The following PCDHGA9 variants were observed in gnomAD, a reference collection of about 807,000 sequenced individuals.
PCDHGA9 encodes protocadherin gamma subfamily A, 9.
In PCDHGA9, 37 loss-of-function variants were observed where a neutral mutation model predicts 62.5. The observed-to-expected ratio is 0.59, with a 90% CI of 0.46 to 0.78. The LOEUF (loss-of-function observed/expected upper bound fraction) is 0.78. PCDHGA9 is among the 30% of genes least tolerant of loss of function. PCDHGA9 has a pLI of 0.00. For synonymous variants in PCDHGA9, 459 were observed against 484.6 expected, an observed-to-expected ratio of 0.95 and a Z score of 0.69; for missense variants, 1,138 against 1,166.2, an observed-to-expected ratio of 0.98 and a Z score of 0.35.
At chr5:141,494,972 C>A in intron 2 of PCDHGA9, 107 bp downstream of exon 2, 1 of 1,581,852 alleles carries the variant, frequency 6.3e-7, no homozygotes, top group South Asian at 1.1e-5. Flanking sequence ...TGGCTTCTCC[C>A]TCAGTTTGAG....
At chr5:141,450,796 G>GTATT (rs1490825772) in intron 1 of PCDHGA9, among the ~76,000 whole-genome samples, 8 of 145,976 alleles carry the variant, frequency 5.5e-5, no homozygotes, top group African/African-American at 1.8e-4. Flanking sequence ...CCTCATGATT[G>GTATT]TATTTATTTA....
At chr5:141,504,476 A>G (rs998883721) in intron 2 of PCDHGA9, among the ~76,000 whole-genome samples, 4 of 152,016 alleles carry the variant, frequency 2.6e-5, no homozygotes, top group African/African-American at 9.7e-5. Context: ...GGATGGGAGT[A>G]CAGTGGAGGC....
At position 141,484,932 on chromosome 5, in the gene PCDHGA9, C is replaced by T. The variant is rs1594431677; in HGVS notation, c.2425-9875C>T. On this transcript the variant is annotated intron_variant, in intron 1 of 3. Coordinates refer to ENST00000573521, the MANE Select transcript of PCDHGA9 (RefSeq NM_018921.3). ...CGCATTAACCCTGCTGCTGTTGGGA[C>T]GTTCTCTGCTCAGCCTATTGGCTGA... 1.2e-5 allele frequency: 6 copies of T among 501,356 alleles called. No individual in the cohort carries two copies. The East Asian group carries it at 1.4e-4, about 12-fold the overall frequency. 31.1% of individuals were successfully genotyped at this position (501,356 alleles called of 1,614,324 possible).
At chr5:141,488,134 A>G (rs546928916) in intron 1 of PCDHGA9, among the ~76,000 whole-genome samples, 1 of 152,332 alleles carries the variant, frequency 6.6e-6, no homozygotes, top group African/African-American at 2.4e-5. Flanking sequence ...GAAAGAGGAG[A>G]GAACTAAAGG....
In PCDHGA9 at chr5:141,422,647, T is replaced by G. The variant is rs773990745; in HGVS notation, c.2424+17271T>G. 2.5e-6 allele frequency: 4 copies of G among 1,611,858 alleles called. No individual in the cohort carries two copies. In the South Asian group the frequency reaches 4.4e-5, roughly 18 times the overall value. On this transcript the variant is annotated intron_variant, in intron 1 of 3. Transcript: ENST00000573521. ...CAACCCCAGGGGTGCCTCCATCTTC[T>G]CAGTGACCGCCCTCGACCCGGACAG...
At position 141,491,251 on chromosome 5, in the gene PCDHGA9, C is replaced by A; in HGVS notation, c.2425-3556C>A. On this transcript the variant is annotated intron_variant, in intron 1 of 3. Coordinates refer to ENST00000573521, the MANE Select transcript of PCDHGA9 (RefSeq NM_018921.3). This position sits in a 1 kb window ranked among gnomAD's most constrained non-coding sequence, Gnocchi z 6.9. ...GCTGCTGGTTCTGGAGGATGAGGAC[C>A]CTGAGGAAATGCCCAAATCCAGTGA... 6.2e-7 allele frequency: 1 copy of A among 1,614,144 alleles called. No homozygotes were observed. Among genetic ancestry groups the A allele is most frequent in the Non-Finnish European group, 8.5e-7 (1 of 1,180,016 alleles).
chr5:141,414,684 AC>A (rs1561750824), intron 1 of PCDHGA9: 1 of 1,613,924 alleles, frequency 6.2e-7, no homozygotes, highest in Admixed American at 1.7e-5. Flanking sequence ...TCCAGGGGGT[AC>A]CTCTGTCCTC....
At chr5:141,428,635 G>A (rs1411119011) in intron 1 of PCDHGA9, 1 of 180,288 alleles carries the variant, frequency 5.5e-6, no homozygotes, top group Non-Finnish European at 1.2e-5. Context: ...TAACTCTGTT[G>A]CTCCTACTCA....
chr5:141,419,613 G>T (rs369914837), intron 1 of PCDHGA9: 144 of 1,612,020 alleles, frequency 8.9e-5, no homozygotes, highest in Admixed American at 1.5e-4. Context: ...GCGCAGCCAG[G>T]CTACCTGGTG....
At chr5:141,417,693 A>T in intron 1 of PCDHGA9, 1 of 1,091,256 alleles carries the variant, frequency 9.2e-7, no homozygotes, top group Non-Finnish European at 1.3e-6. Context: ...AAAGAAAACC[A>T]GCTCCCACAC....
intron 1 of PCDHGA9, chr5:141,419,661 A>G (rs1363084793): frequency 2.5e-6 from 4 of 1,612,714 alleles, no homozygotes; most frequent in East Asian, 2.2e-5. Flanking sequence ...TCGGGGCACA[A>G]TGCCTGGCTG....
intron 1 of PCDHGA9, chr5:141,417,532 TA>T (rs1457524771): frequency 6.7e-5 from 19 of 284,780 alleles, no homozygotes; most frequent in South Asian, 1.5e-4. Context: ...ACTCGTAGTT[TA>T]AAAAAAATTC....
rs536970079 is a variant in PCDHGA9 at position 141,405,367 on chromosome 5, T to C, written c.2415T>C (p.Pro805=). The C allele has an allele frequency of 1.9e-5, 30 of 1,613,694 alleles. No homozygotes were observed. In the African/African-American group the frequency reaches 3.2e-4, roughly 17 times the overall value. The stretch of plus-strand genomic sequence containing the variant: ...CCAAGTTTCCTATAGAAGACACCCC[T>C]TTGGTTCCGGTGAGTTCATTTTTTT... The part of the protein sequence containing the change: ...VDSKFPIEDT[P]LVPQAPPNTD... Residue 805 remains proline, a synonymous_variant, in exon 1 of 4, where the codon CCT becomes CCC. Transcript: ENST00000573521.
At chr5:141,419,946 T>C in intron 1 of PCDHGA9, 1 of 1,614,086 alleles carries the variant, frequency 6.2e-7, no homozygotes, top group Non-Finnish European at 8.5e-7. Context: ...GTGGTGGCCT[T>C]GGCCTTGATT....
At chr5:141,425,987 G>A (rs1304785231) in intron 1 of PCDHGA9, among the ~76,000 whole-genome samples, 1 of 152,188 alleles carries the variant, frequency 6.6e-6, no homozygotes, top group Non-Finnish European at 1.5e-5. Flanking sequence ...GAATCCCATT[G>A]AATTAGCAAA....
intron 2 of PCDHGA9, among the ~76,000 whole-genome samples, chr5:141,503,166 A>T (rs1246987375): frequency 1.3e-5 from 2 of 151,884 alleles, no homozygotes; most frequent in Admixed American, 1.3e-4. Context: ...CACAATTGCA[A>T]TTACTCTATT....
At chr5:141,406,431 T>G (rs1316370664) in intron 1 of PCDHGA9, among the ~76,000 whole-genome samples, 3 of 152,352 alleles carry the variant, frequency 2.0e-5, no homozygotes, top group Non-Finnish European at 4.4e-5. Context: ...ATTTATTGCT[T>G]CTATTCTTCC....
chr5:141,487,181 C>T lies in PCDHGA9; in HGVS notation c.2425-7626C>T. 3 of 1,612,732 alleles carry T rather than the reference C, an allele frequency of 1.9e-6. No individual in the cohort carries two copies. The highest frequency in any genetic ancestry group is 1.1e-5 in the South Asian group (1 of 91,060). ...CTTAGTGTCCTTAGAGGAAGACACT[C>T]ATCCAGTTGTCCCAGATCTTCGAGA... On this transcript the variant is annotated intron_variant, in intron 1 of 3. Transcript: ENST00000573521. This position sits in a 1 kb window ranked among gnomAD's most constrained non-coding sequence, Gnocchi z 5.0.
chr5:141,422,922 C>T (rs1244444241), intron 1 of PCDHGA9: 1 of 1,614,130 alleles, frequency 6.2e-7, no homozygotes, highest in Non-Finnish European at 8.5e-7. Flanking sequence ...AGATCCTGTA[C>T]CCTGCCCTCC....
Sources: allele counts gnomAD v4.1 joint callset (sites outside exome capture counted in the v4.1 genomes callset), GRCh38; gene constraint gnomAD v4.1.1; non-coding constraint Gnocchi (gnomAD v3.1); transcripts MANE v1.5; gene names NCBI Gene and HGNC (gene_info 2026-07-23, HGNC 2026-07-21).